Variants in SYT9 observed in about 807,000 individuals in gnomAD.
The protein encoded by SYT9 is synaptotagmin 9.
A neutral mutation model predicts 48.4 loss-of-function variants in SYT9; 22 were observed. The ratio of observed to expected loss-of-function variants is 0.45; its 90% confidence interval spans 0.32 to 0.65. The LOEUF is 0.65. Among genes scored for constraint, SYT9 ranks in the 30% least tolerant of loss-of-function variants. The pLI is 0.03. For synonymous variants in SYT9, 265 were observed against 245.0 expected (o/e 1.08, Z -0.76); for missense variants, 577 against 622.0 (o/e 0.93, Z 0.77).
At position 7,306,847 on chromosome 11, in the gene SYT9, A is replaced by G. The variant is rs1041087139; in HGVS notation, c.497+3457A>G. On this transcript the variant is annotated intron_variant, in intron 2 of 6. Transcript: ENST00000318881. ...TTCTTTATTGCTTGTACTCCCCTCT[A>G]GACTGAGTTCTGTGAGCTCAGAGAC... 3.3e-5 allele frequency among the ~76,000 whole-genome samples: 5 copies of G among 152,154 alleles called. No homozygotes were observed. In the East Asian group the frequency reaches 7.7e-4, roughly 23 times the overall value.
chr11:7,391,668 A>G (rs1334265043), intron 3 of SYT9, among the ~76,000 whole-genome samples: 3 of 147,124 alleles, frequency 2.0e-5, no homozygotes, highest in Non-Finnish European at 3.0e-5. Context: ...TCGAAGGCCA[A>G]GGTAGTCAGG....
intron 1 of SYT9, among the ~76,000 whole-genome samples, chr11:7,265,182 G>C (rs1053838976): frequency 1.3e-5 from 2 of 151,982 alleles, no homozygotes; most frequent in Non-Finnish European, 2.9e-5. Flanking sequence ...TAACTTATTA[G>C]GTTTACCACA....
intron 3 of SYT9, among the ~76,000 whole-genome samples, chr11:7,410,169 A>G (rs549109395): frequency 3.3e-4 from 51 of 152,246 alleles, no homozygotes; most frequent in South Asian, 1.7e-3. Context: ...TCCTCCTAGT[A>G]TTGATTTATT....
intron 3 of SYT9, among the ~76,000 whole-genome samples, chr11:7,321,199 G>A (rs1166565936): frequency 2.6e-5 from 4 of 152,114 alleles, no homozygotes; most frequent in Non-Finnish European, 5.9e-5. Context: ...GAAGAGGCAA[G>A]GACACAGTTT....
At chr11:7,445,918 C>T (rs976334343) in intron 6 of SYT9, among the ~76,000 whole-genome samples, 15 of 152,220 alleles carry the variant, frequency 9.9e-5, no homozygotes, top group African/African-American at 3.4e-4. Flanking sequence ...AGTGTTTGGG[C>T]TCAGACAATC....
intron 5 of SYT9, among the ~76,000 whole-genome samples, chr11:7,418,894 G>A (rs980137132): frequency 1.3e-5 from 2 of 152,174 alleles, no homozygotes; most frequent in East Asian, 1.9e-4. Flanking sequence ...AACCTCCCAC[G>A]TGGTCTGGAC....
rs187139571 is a variant in SYT9, at chr11:7,450,834, C to T, written c.1468-15958C>T. Among the ~76,000 whole-genome samples the T allele has an allele frequency of 2.6e-3, 399 of 152,334 alleles. 1 individual carries two copies. Among genetic ancestry groups the T allele is most frequent in the Middle Eastern group, 0.017 (5 of 294 alleles). On this transcript the variant is annotated intron_variant, in intron 6 of 6. Transcript: ENST00000318881. Reference sequence around the variant, plus strand: ...CATGTCAGCAAACCTCTCAACCTCACATCTGTGCTGGTCAAGCGGCTTTGA... The same window carrying T: ...CATGTCAGCAAACCTCTCAACCTCATATCTGTGCTGGTCAAGCGGCTTTGA...
intron 3 of SYT9, among the ~76,000 whole-genome samples, chr11:7,401,310 T>C (rs1204189176): frequency 6.6e-6 from 1 of 150,618 alleles, no homozygotes; most frequent in Non-Finnish European, 1.5e-5. Flanking sequence ...ATATTTTGTA[T>C]ATATATAATA....
intron 1 of SYT9, among the ~76,000 whole-genome samples, chr11:7,276,800 C>G (rs1439787698): frequency 2.0e-5 from 3 of 152,034 alleles, no homozygotes; most frequent in African/African-American, 7.3e-5. Flanking sequence ...ATAATCCCAG[C>G]AATTTGGGAA....
chr11:7,387,620 T>C (rs1850686203), intron 3 of SYT9, among the ~76,000 whole-genome samples: 1 of 152,194 alleles, frequency 6.6e-6, no homozygotes, highest in Admixed American at 6.5e-5. Context: ...AGAGATGATG[T>C]ACCTTATTCC....
chr11:7,266,861 A>G lies in SYT9; in HGVS notation c.145+14530A>G, dbSNP rs75658285. ...AGTAAATAGTGGCCTTAATGATGCA[A>G]TCAGAACATGGGGGATTGTCAGAAG... On this transcript the variant is annotated intron_variant, in intron 1 of 6. Transcript: ENST00000318881. Among the ~76,000 whole-genome samples the G allele has an allele frequency of 3.0e-4, 45 of 152,212 alleles. No homozygotes were observed. The East Asian group carries it at 8.3e-3, about 28-fold the overall frequency.
At chr11:7,394,862 G>A (rs1846716747) in intron 3 of SYT9, among the ~76,000 whole-genome samples, 1 of 151,938 alleles carries the variant, frequency 6.6e-6, no homozygotes, top group African/African-American at 2.4e-5. Context: ...TCAGAGATTT[G>A]GGTATGTTGT....
intron 1 of SYT9, among the ~76,000 whole-genome samples, chr11:7,270,840 C>CAG (rs1298328147): frequency 7.6e-6 from 1 of 132,202 alleles, no homozygotes; most frequent in African/African-American, 3.2e-5. Context: ...CAGACACACA[C>CAG]ACACACACAC....
At chr11:7,351,477 T>C (rs1415600081) in intron 3 of SYT9, among the ~76,000 whole-genome samples, 1 of 152,140 alleles carries the variant, frequency 6.6e-6, no homozygotes, top group African/African-American at 2.4e-5. Context: ...GTGGGAGCTG[T>C]ATGTCGGACT....
intron 1 of SYT9, among the ~76,000 whole-genome samples, chr11:7,270,226 A>G (rs982908211): frequency 2.0e-5 from 3 of 152,066 alleles, no homozygotes; most frequent in Admixed American, 2.0e-4. Context: ...ACCTTTTAGC[A>G]AGAAGGTACA....
rs1442611999 is a variant in SYT9 at position 7,252,178 on chromosome 11, G to C, written c.-9G>C. 7.7e-6 allele frequency: 11 copies of C among 1,435,406 alleles called. No homozygotes were observed. The highest frequency in any genetic ancestry group is 5.8e-5 in the South Asian group (4 of 69,484). The allele number at this position is 1,435,406 out of a possible 1,614,324, so 88.9% of individuals were successfully genotyped here. A position where few individuals can be genotyped will look rare whatever the true frequency, so the allele number is the denominator to read the frequency against. On this transcript the variant is annotated 5_prime_UTR_variant, in exon 1 of 7. Coordinates refer to ENST00000318881, the MANE Select transcript of SYT9 (RefSeq NM_175733.4). The surrounding 1 kb of genome is among the most constrained non-coding windows in gnomAD (Gnocchi z 6.3). ...CCTGCCCGGCGCGGTCCGAGGATGCGGGGGGGCGATGCCCGGGGCCAGGGA... is the reference window on the plus strand; with the variant it reads ...CCTGCCCGGCGCGGTCCGAGGATGCCGGGGGGCGATGCCCGGGGCCAGGGA...
At chr11:7,456,701 C>T (rs1295885056) in intron 6 of SYT9, 1 of 152,124 alleles carries the variant, frequency 6.6e-6, no homozygotes, top group East Asian at 1.9e-4. Flanking sequence ...TTTTTCAGAA[C>T]TCCATTGGTC....
At chr11:7,308,107 G>A (rs1849065609) in intron 2 of SYT9, among the ~76,000 whole-genome samples, 1 of 152,166 alleles carries the variant, frequency 6.6e-6, no homozygotes, top group Non-Finnish European at 1.5e-5. Context: ...GTCTGCCTGT[G>A]GTTCAGGAAA....
At chr11:7,431,350 T>G (rs1847566686) in intron 6 of SYT9, among the ~76,000 whole-genome samples, 1 of 152,362 alleles carries the variant, frequency 6.6e-6, no homozygotes, top group African/African-American at 2.4e-5. Context: ...GCCTGGCTGC[T>G]TCTGACAGCC....
Sources: gnomAD v4.1 joint callset for allele counts (sites outside exome capture counted in the v4.1 genomes callset) on GRCh38, gnomAD v4.1.1 for gene constraint, Gnocchi (gnomAD v3.1) non-coding constraint, MANE v1.5 for transcripts, NCBI Gene and HGNC (gene_info 2026-07-23, HGNC 2026-07-21) for gene names.